Variants in TMEM108 observed in about 807,000 individuals in gnomAD.
TMEM108 encodes the protein cancer/testis antigen 124.
Under a neutral mutation model 35.1 loss-of-function variants are expected in TMEM108, and 12 were observed. The observed-to-expected ratio is 0.34, with a 90% CI of 0.22 to 0.55. The LOEUF (loss-of-function observed/expected upper bound fraction) is 0.55. TMEM108 is among the 20% of genes least tolerant of loss of function. TMEM108 has a pLI of 0.89. For missense variants in TMEM108, 680 were observed against 753.3 expected (o/e 0.90, Z 1.14); for synonymous variants, 287 against 308.6 (o/e 0.93, Z 0.73).
At chr3:133,062,162 A>G (rs536397906) in intron 2 of TMEM108, among the ~76,000 whole-genome samples, 3 of 152,354 alleles carry the variant, frequency 2.0e-5, no homozygotes, top group African/African-American at 7.2e-5. Flanking sequence ...ATGCTTAGTC[A>G]TTCCTTCATC....
At chr3:133,381,467 C>T (rs2073011415) in intron 4 of TMEM108, among the ~76,000 whole-genome samples, 1 of 152,182 alleles carries the variant, frequency 6.6e-6, no homozygotes, top group African/African-American at 2.4e-5. Flanking sequence ...ACATGGTTCA[C>T]CCAGGATCCC....
At chr3:133,341,123 T>C (rs1576471123) in intron 3 of TMEM108, among the ~76,000 whole-genome samples, 1 of 151,898 alleles carries the variant, frequency 6.6e-6, no homozygotes, top group East Asian at 1.9e-4. Context: ...AAATTATCCT[T>C]GTTTGCAGAT....
At chr3:133,064,798 G>C (rs1052292631) in intron 2 of TMEM108, among the ~76,000 whole-genome samples, 3 of 151,826 alleles carry the variant, frequency 2.0e-5, no homozygotes, top group African/African-American at 7.3e-5. Context: ...ATGAAATAAT[G>C]GTTTCACTGG....
chr3:133,189,058 A>G (rs1945462191), intron 2 of TMEM108, among the ~76,000 whole-genome samples: 2 of 152,186 alleles, frequency 1.3e-5, no homozygotes, highest in African/African-American at 4.8e-5. Flanking sequence ...AATTTTGGAA[A>G]TGTAGTTTAG....
intron 3 of TMEM108, among the ~76,000 whole-genome samples, chr3:133,235,418 GA>G (rs950519597): frequency 3.3e-5 from 5 of 152,136 alleles, no homozygotes; most frequent in African/African-American, 1.2e-4. Context: ...TAGATCAGTG[GA>G]ACAGAAGAGA....
chr3:133,147,217 T>A (rs1944734241), intron 2 of TMEM108, among the ~76,000 whole-genome samples: 1 of 152,338 alleles, frequency 6.6e-6, no homozygotes, highest in East Asian at 1.9e-4. Flanking sequence ...TTTTGTTATT[T>A]ACTCAGTAGT....
intron 2 of TMEM108, among the ~76,000 whole-genome samples, chr3:133,205,704 G>A (rs768535570): frequency 6.6e-6 from 1 of 152,120 alleles, no homozygotes; most frequent in East Asian, 1.9e-4. Context: ...TGGGTAACCC[G>A]ACCTTTCTTT....
intron 2 of TMEM108, among the ~76,000 whole-genome samples, chr3:133,143,321 T>C (rs1478205930): frequency 6.6e-6 from 1 of 152,128 alleles, no homozygotes; most frequent in Non-Finnish European, 1.5e-5. Flanking sequence ...ATGGGAATGC[T>C]TAGATCTGAC....
At position 133,111,814 on chromosome 3, in the gene TMEM108, A is replaced by G. The variant is rs528995517; in HGVS notation, c.-47+65794A>G. On this transcript the variant is annotated intron_variant, in intron 2 of 5. Transcript: ENST00000321871. ...TCTTTGGTAGCTAAAGACTTGTACT[A>G]GGTTCCAGCTATGCCCTTGACTGTC... 2.0e-5 allele frequency among the ~76,000 whole-genome samples: 3 copies of G among 152,284 alleles called. No homozygotes were observed. In the East Asian group the frequency reaches 5.8e-4, roughly 29 times the overall value.
intron 3 of TMEM108, among the ~76,000 whole-genome samples, chr3:133,319,726 G>T (rs539107864): frequency 6.6e-6 from 1 of 152,086 alleles, no homozygotes; most frequent in Non-Finnish European, 1.5e-5. Context: ...ATTCCCTAGC[G>T]CCAACCCAGA....
chr3:133,173,212 A>G (rs1945156563), intron 2 of TMEM108, among the ~76,000 whole-genome samples: 2 of 152,214 alleles, frequency 1.3e-5, no homozygotes, highest in Non-Finnish European at 1.5e-5. Context: ...ATAACGTTGC[A>G]CTGTATAAGT....
chr3:133,346,289 C>T lies in TMEM108; in HGVS notation c.41-33463C>T, dbSNP rs1009436725. On this transcript the variant is annotated intron_variant, in intron 3 of 5. Coordinates refer to ENST00000321871, the MANE Select transcript of TMEM108 (RefSeq NM_023943.4). This position sits in a 1 kb window ranked among gnomAD's most constrained non-coding sequence, Gnocchi z 4.0. Reference sequence around the variant, plus strand: ...GAGAGTTCCTGTTACTTCACTTCCTCACCAGCATTTGGTATTATCAGTTTT... The same window carrying T: ...GAGAGTTCCTGTTACTTCACTTCCTTACCAGCATTTGGTATTATCAGTTTT... 1.3e-5 allele frequency among the ~76,000 whole-genome samples: 2 copies of T among 151,906 alleles called. No individual in the cohort carries two copies. The highest frequency in any genetic ancestry group is 4.8e-5 in the African/African-American group (2 of 41,420).
At chr3:133,332,685 G>A (rs1160436567) in intron 3 of TMEM108, among the ~76,000 whole-genome samples, 1 of 152,192 alleles carries the variant, frequency 6.6e-6, no homozygotes, top group Non-Finnish European at 1.5e-5. Context: ...GGGAGATAGA[G>A]GGTTATACCT....
rs555673678 is a variant in TMEM108 at position 133,099,956 on chromosome 3, C to A, written c.-47+53936C>A. 1.7e-3 allele frequency among the ~76,000 whole-genome samples: 258 copies of A among 152,272 alleles called. 1 individual carries two copies. The highest frequency in any genetic ancestry group is 6.1e-3 in the African/African-American group (252 of 41,550). ...AAGTCGCTTCCACATTTTTGGGTAT[C>A]TTTTCAGCAACACCTACTCCTGGTA... On this transcript the variant is annotated intron_variant, in intron 2 of 5. Coordinates refer to ENST00000321871, the MANE Select transcript of TMEM108 (RefSeq NM_023943.4).
At chr3:133,103,018 G>A (rs34194423) in intron 2 of TMEM108, among the ~76,000 whole-genome samples, 14,735 of 152,228 alleles carry the variant, frequency 0.097, 909 homozygotes, top group Admixed American at 0.17. Flanking sequence ...GATTGTGGAA[G>A]ACAGTGTGGC....
At chr3:133,344,919 T>C (rs919162405) in intron 3 of TMEM108, among the ~76,000 whole-genome samples, 2 of 151,894 alleles carry the variant, frequency 1.3e-5, no homozygotes, top group Non-Finnish European at 2.9e-5. Context: ...ATGGTATTTT[T>C]AAGTTTTTAG....
intron 2 of TMEM108, among the ~76,000 whole-genome samples, chr3:133,072,739 A>G (rs1943691080): frequency 6.6e-6 from 1 of 152,158 alleles, no homozygotes; most frequent in Non-Finnish European, 1.5e-5. Context: ...AATGTTGTGC[A>G]ACTATCACCA....
chr3:133,233,026 G>GT (rs61221027), intron 3 of TMEM108, among the ~76,000 whole-genome samples: 3,553 of 138,686 alleles, frequency 0.026, 137 homozygotes, highest in African/African-American at 0.088. Flanking sequence ...TACCACTTTC[G>GT]TTTTTTTTTT....
chr3:133,226,174 A>G (rs574140244), intron 2 of TMEM108, among the ~76,000 whole-genome samples: 32 of 152,332 alleles, frequency 2.1e-4, no homozygotes, highest in Non-Finnish European at 4.0e-4. Context: ...TGTCTGGGTT[A>G]AGATAATTGG....
Sources: allele counts gnomAD v4.1 joint callset (sites outside exome capture counted in the v4.1 genomes callset), GRCh38; gene constraint gnomAD v4.1.1; non-coding constraint Gnocchi (gnomAD v3.1); transcripts MANE v1.5; gene names NCBI Gene and HGNC (gene_info 2026-07-23, HGNC 2026-07-21).